The following LPP variants were observed in gnomAD, a reference collection of about 807,000 sequenced individuals.
The protein encoded by LPP is lipoma-preferred partner.
A neutral mutation model predicts 60.4 loss-of-function variants in LPP; 38 were observed. The ratio of observed to expected loss-of-function variants is 0.63; its 90% CI spans 0.49 to 0.83. The LOEUF (loss-of-function observed/expected upper bound fraction) is 0.83. Ranked by LOEUF, LPP falls within the 40% of genes least tolerant of loss-of-function variation. The probability of loss-of-function intolerance (pLI) is 0.00; values close to 1 mark genes in which losing one functional copy is unlikely to be tolerated. For synonymous variants in LPP, 328 were observed against 290.8 expected (o/e 1.13, Z -1.30); for missense variants, 902 against 783.6 (o/e 1.15, Z -1.80).
intron 1 of LPP, among the ~76,000 whole-genome samples, chr3:188,154,754 C>G (rs1311429554): frequency 6.6e-6 from 1 of 152,216 alleles, no homozygotes; most frequent in African/African-American, 2.4e-5. Flanking sequence ...CTCTAGCACC[C>G]TGTGTGTGGC....
chr3:188,491,158 A>T (rs1439652219), intron 5 of LPP, among the ~76,000 whole-genome samples: 1 of 152,186 alleles, frequency 6.6e-6, no homozygotes, highest in Non-Finnish European at 1.5e-5. Flanking sequence ...ACTCAAACCT[A>T]CAGTATGGCC....
At chr3:188,489,682 C>A (rs1477381120) in intron 5 of LPP, among the ~76,000 whole-genome samples, 1 of 152,186 alleles carries the variant, frequency 6.6e-6, no homozygotes, top group Non-Finnish European at 1.5e-5. Context: ...GTTGCACTTG[C>A]AGGAAACCCC....
chr3:188,641,297 A>G (rs1269397997), intron 7 of LPP, among the ~76,000 whole-genome samples: 2 of 152,206 alleles, frequency 1.3e-5, no homozygotes, highest in African/African-American at 4.8e-5. Flanking sequence ...GAGTGAGAGG[A>G]AGAATGTCAG....
chr3:188,639,480 C>G (rs1849588229), intron 7 of LPP, among the ~76,000 whole-genome samples: 1 of 151,778 alleles, frequency 6.6e-6, no homozygotes, highest in Admixed American at 6.6e-5. Flanking sequence ...TCTAAAACAC[C>G]AAAAGCAATG....
chr3:188,450,442 T>A (rs1301485414), intron 4 of LPP, among the ~76,000 whole-genome samples: 1 of 152,114 alleles, frequency 6.6e-6, no homozygotes, highest in Non-Finnish European at 1.5e-5. Flanking sequence ...ATCAGCATAA[T>A]CTTTCAAAAA....
intron 6 of LPP, chr3:188,568,475 G>A (rs1832733196): frequency 6.6e-6 from 1 of 151,958 alleles, no homozygotes; most frequent in Admixed American, 6.6e-5. Context: ...ATGTGCTAGG[G>A]TTATGGAGAT....
intron 1 of LPP, among the ~76,000 whole-genome samples, chr3:188,164,034 T>C (rs935303718): frequency 1.4e-4 from 22 of 152,170 alleles, no homozygotes; most frequent in African/African-American, 5.1e-4. Context: ...GTCAAGATCG[T>C]AAGCACTTAC....
chr3:188,559,931 C>T (rs560116168), intron 6 of LPP, among the ~76,000 whole-genome samples: 36 of 152,142 alleles, frequency 2.4e-4, no homozygotes, highest in Non-Finnish European at 4.4e-4. Flanking sequence ...CCTCAGACCC[C>T]TCTGTCTGTG....
Position 188,697,568 on chromosome 3 carries a change from C to T in LPP, c.1114-10699C>T, listed in dbSNP as rs539715873. Among the ~76,000 whole-genome samples the T allele has an allele frequency of 1.8e-4, 28 of 152,274 alleles. No homozygotes were observed. In the South Asian group the frequency reaches 2.9e-3, roughly 16 times the overall value. ...CAACTTGTCCACACTTTGGGCTCTC[C>T]AATCTCTCCTAGGTTCATACCTGAA... On this transcript the variant is annotated intron_variant, in intron 7 of 11. Coordinates refer to ENST00000617246, the MANE Select transcript of LPP (RefSeq NM_001375462.1).
In LPP at chr3:188,874,845, G is replaced by C; in HGVS notation, c.*366G>C. The C allele has an allele frequency of 4.1e-6, 1 of 244,856 alleles. No homozygotes were observed. Among genetic ancestry groups the C allele is most frequent in the South Asian group, 1.5e-4 (1 of 6,606 alleles). 15.2% of individuals were successfully genotyped at this position (244,856 alleles called of 1,614,324 possible). On this transcript the variant is annotated 3_prime_UTR_variant, in exon 12 of 12. Coordinates refer to ENST00000617246, the MANE Select transcript of LPP (RefSeq NM_001375462.1). ...TTTGCTGTCACATAGTTTTTCCTGG[G>C]TGAGTCTGCCAACTCACAGGTGCTT...
chr3:188,463,432 G>A (rs546226288), intron 4 of LPP, among the ~76,000 whole-genome samples: 1 of 152,006 alleles, frequency 6.6e-6, no homozygotes, highest in East Asian at 1.9e-4. Context: ...CTGGCCTCAG[G>A]TTGATCCTCA....
At chr3:188,465,020 A>G (rs564320311) in intron 4 of LPP, among the ~76,000 whole-genome samples, 1 of 151,568 alleles carries the variant, frequency 6.6e-6, no homozygotes, top group South Asian at 2.1e-4. Context: ...AAACATACAC[A>G]CACAAAACAA....
At chr3:188,817,322 C>A (rs898378723) in intron 9 of LPP, among the ~76,000 whole-genome samples, 1 of 152,138 alleles carries the variant, frequency 6.6e-6, no homozygotes, top group African/African-American at 2.4e-5. Flanking sequence ...TTGATGTAGA[C>A]TCCAGTGTGT....
chr3:188,368,876 GA>G (rs1189542918), intron 3 of LPP, among the ~76,000 whole-genome samples: 2 of 152,038 alleles, frequency 1.3e-5, no homozygotes, highest in African/African-American at 2.4e-5. Context: ...TATTCACTTT[GA>G]AAACTGGTTT....
At chr3:188,263,693 A>G (rs1253862425) in intron 2 of LPP, among the ~76,000 whole-genome samples, 4 of 152,250 alleles carry the variant, frequency 2.6e-5, no homozygotes, top group Non-Finnish European at 4.4e-5. Flanking sequence ...TGACTAGCTC[A>G]TAATCCGTCA....
At chr3:188,291,581 G>A (rs1011508577) in intron 2 of LPP, among the ~76,000 whole-genome samples, 1 of 148,462 alleles carries the variant, frequency 6.7e-6, no homozygotes, top group African/African-American at 2.5e-5. Flanking sequence ...AGGAGGCGGA[G>A]CTTGCAGTGA....
At chr3:188,262,964 C>T (rs928531876) in intron 2 of LPP, among the ~76,000 whole-genome samples, 1 of 152,062 alleles carries the variant, frequency 6.6e-6, no homozygotes, top group Non-Finnish European at 1.5e-5. Flanking sequence ...AGGAAAAATA[C>T]GTCAGCTCCA....
chr3:188,219,411 G>A (rs1714959155), intron 1 of LPP, among the ~76,000 whole-genome samples: 1 of 152,096 alleles, frequency 6.6e-6, no homozygotes, highest in South Asian at 2.1e-4. Flanking sequence ...TAAGATGATG[G>A]TCAGGCTCTA....
intron 8 of LPP, among the ~76,000 whole-genome samples, chr3:188,732,066 T>A (rs1359183986): frequency 6.6e-6 from 1 of 152,210 alleles, no homozygotes; most frequent in African/African-American, 2.4e-5. Flanking sequence ...TCTTGCGTAG[T>A]CTTTCGTTTC....
Sources: allele counts gnomAD v4.1 joint callset (sites outside exome capture counted in the v4.1 genomes callset), GRCh38; gene constraint gnomAD v4.1.1; transcripts MANE v1.5; gene names NCBI Gene and HGNC (gene_info 2026-07-23, HGNC 2026-07-21).